The following ALOX15B variants were observed in gnomAD, a reference collection of about 807,000 sequenced individuals.
The protein encoded by ALOX15B is arachidonate 15-lipoxygenase type B, also known as polyunsaturated fatty acid lipoxygenase ALOX15B.
In ALOX15B, 74 loss-of-function variants were observed where a neutral mutation model predicts 73.8. The observed-to-expected ratio is 1.00, with a 90% confidence interval of 0.83 to 1.22. The LOEUF (loss-of-function observed/expected upper bound fraction) is 1.22. Ranked by LOEUF, ALOX15B falls within the 50% of genes most tolerant of loss-of-function variation. The probability of loss-of-function intolerance (pLI) is 0.00; values close to 1 mark genes in which losing one functional copy is unlikely to be tolerated. For missense variants in ALOX15B, 896 were observed against 859.9 expected (o/e 1.04, Z -0.52); for synonymous variants, 353 against 357.2 (o/e 0.99, Z 0.13).
intron 8 of ALOX15B, 105 bp from the exon 9 acceptor site, chr17:8,046,563 T>C: frequency 8.4e-7 from 1 of 1,188,470 alleles, no homozygotes; most frequent in Non-Finnish European, 1.2e-6. Flanking sequence ...CTCATTCTTG[T>C]TGCCTCTTTC....
At position 8,040,646 on chromosome 17, in the gene ALOX15B, A is replaced by AGAAAGAAG. The variant is rs1555638501; in HGVS notation, c.449+670_449+671insGGAAAGAA. On this transcript the variant is annotated intron_variant, in intron 3 of 13. Coordinates refer to ENST00000380183, the MANE Select transcript of ALOX15B (RefSeq NM_001141.3). ...AAGAAAGAAAGAAAGAAAGAAAGAA[A>AGAAAGAAG]GAAAGAAAAGAAAGAGAAAGAAACT... is the stretch of plus-strand genomic sequence containing the variant. Among the ~76,000 whole-genome samples the AGAAAGAAG allele has an allele frequency of 3.8e-3, 471 of 123,312 alleles. 1 individual carries two copies. The highest frequency in any genetic ancestry group is 0.013 in the South Asian group (53 of 4,130). The allele number at this position is 123,312 out of a possible 152,430, so 80.9% of individuals were successfully genotyped here.
rs1383730508 is a variant in ALOX15B, at chr17:8,039,417, ACGTAGGCCGAGTGCTGCTGCTGCG to A, written c.183_206del (p.Gly62_Val69del). 1 of 1,612,838 alleles carries A rather than the reference ACGTAGGCCGAGTGCTGCTGCTGCG, an allele frequency of 6.2e-7. No individual in the cohort carries two copies. Among genetic ancestry groups the A allele is most frequent in the East Asian group, 2.2e-5 (1 of 44,862 alleles). On this transcript the variant is annotated inframe_deletion, in exon 2 of 14. Coordinates refer to ENST00000380183, the MANE Select transcript of ALOX15B (RefSeq NM_001141.3). ...GACTTCCAGGTGACGCTCCCGGAGGACGTAGGCCGAGTGCTGCTGCTGCGCGTGCACAAGGCGCCCCCAGTGCTG... is the reference window on the plus strand; with the variant it reads ...GACTTCCAGGTGACGCTCCCGGAGGACGTGCACAAGGCGCCCCCAGTGCTG...
chr17:8,045,933 A>G (rs1976597481), intron 8 of ALOX15B, among the ~76,000 whole-genome samples: 2 of 151,460 alleles, frequency 1.3e-5, no homozygotes, highest in Non-Finnish European at 2.9e-5. Flanking sequence ...TAGAAGCCCA[A>G]ATCTTAGGAA....
intron 11 of ALOX15B, 87 bp from the exon 12 acceptor site, chr17:8,047,477 C>A: frequency 6.4e-7 from 1 of 1,572,312 alleles, no homozygotes; most frequent in Non-Finnish European, 8.6e-7. Flanking sequence ...GTCCCCGTGT[C>A]CCCCACCCTC....
chr17:8,040,651 G>GAAAGAAAGAAAGA (rs1415986255), intron 3 of ALOX15B, among the ~76,000 whole-genome samples: 1 of 92,502 alleles, frequency 1.1e-5, no homozygotes, highest in Admixed American at 1.0e-4. Flanking sequence ...AAGAAAGAAA[G>GAAAGAAAGAAAGA]AAAAGAAAGA....
Position 8,045,581 on chromosome 17 carries a change from C to G in ALOX15B, c.1095C>G (p.Phe365Leu). Residue 365 changes from phenylalanine to leucine, a missense_variant, in exon 8 of 14, where the codon TTC becomes TTG. Transcript: ENST00000380183. The stretch of plus-strand genomic sequence containing the variant: ...AGACCTGGGTGCGCAATGCCGAGTT[C>G]TCCTTCCATGAGGCCCTCACGCACC... ...LAKTWVRNAE[F>L]SFHEALTHLL... The G allele has an allele frequency of 6.2e-7, 1 of 1,614,186 alleles. No individual in the cohort carries two copies. The highest frequency in any genetic ancestry group is 8.5e-7 in the Non-Finnish European group (1 of 1,180,024).
intron 13 of ALOX15B, among the ~76,000 whole-genome samples, 172 bp from the exon 14 acceptor site, chr17:8,048,214 T>G (rs1290578564): frequency 6.6e-6 from 1 of 152,256 alleles, no homozygotes; most frequent in Non-Finnish European, 1.5e-5. Flanking sequence ...GATATCTGTT[T>G]AAGAGGAGGG....
chr17:8,047,100 C>A, intron 10 of ALOX15B, 24 bp downstream of exon 10: 1 of 1,612,732 alleles, frequency 6.2e-7, no homozygotes, highest in Non-Finnish European at 8.5e-7. Flanking sequence ...CCTGGAGAGC[C>A]GAGGGCTGGT....
chr17:8,045,421 G>T (rs369328287), intron 7 of ALOX15B, 37 bp downstream of exon 7: 17 of 1,613,578 alleles, frequency 1.1e-5, no homozygotes, highest in Non-Finnish European at 1.4e-5. Context: ...GCGTGAAGAA[G>T]AGTCAGGAGA....
chr17:8,040,601 G>GAGAAAGAAAA (rs1976420180), intron 3 of ALOX15B, among the ~76,000 whole-genome samples: 1 of 109,462 alleles, frequency 9.1e-6, no homozygotes. Context: ...AAGAAAGAGA[G>GAGAAAGAAAA]AGAAAGAAAG....
chr17:8,046,994 G>A lies in ALOX15B; in HGVS notation c.1375G>A (p.Asp459Asn). The A allele has an allele frequency of 6.2e-7, 1 of 1,614,172 alleles. No homozygotes were observed. The highest frequency in any genetic ancestry group is 1.1e-5 in the South Asian group (1 of 91,090). Residue 459 changes from aspartate to asparagine, a missense_variant, in exon 10 of 14, where the codon GAT (aspartate) becomes AAT (asparagine). Transcript: ENST00000380183. ...CTATTCTCTCCTGTGTCTGCCTGAGGATATCCGGACCCGAGGAGTTGAAGA... is the reference window on the plus strand; with the variant it reads ...CTATTCTCTCCTGTGTCTGCCTGAGAATATCCGGACCCGAGGAGTTGAAGA... ...LNYSLLCLPE[D>N]IRTRGVEDIP...
In ALOX15B at chr17:8,039,102, G is replaced by T. The variant is rs1976351386; in HGVS notation, c.-54G>T. On this transcript the variant is annotated 5_prime_UTR_variant, in exon 1 of 14. Coordinates refer to ENST00000380183, the MANE Select transcript of ALOX15B (RefSeq NM_001141.3). ...CAATAACCAGGCGTGTCCCAGGGGG[G>T]AGCCCCGCTCTGCAGCCCTGTGCGC... 12 of 1,578,994 alleles carry T rather than the reference G, an allele frequency of 7.6e-6. No individual in the cohort carries two copies. The highest frequency in any genetic ancestry group is 7.0e-5 in the South Asian group (6 of 85,612).
In ALOX15B at chr17:8,039,583, C is replaced by G. The variant is rs76589243; in HGVS notation, c.345C>G (p.Thr115=). The G allele has an allele frequency of 0.38, 556,289 of 1,454,158 alleles. 104,284 individuals carry two copies. The highest frequency in any genetic ancestry group is 0.46 in the East Asian group (15,846 of 34,154). 90.1% of individuals were successfully genotyped at this position (1,454,158 alleles called of 1,614,324 possible). A position where few individuals can be genotyped will look rare whatever the true frequency, so the allele number is the denominator to read the frequency against. The part of the protein sequence containing the change: ...PCYQWLEGAG[T]LVLQEGTAKV... ...ACCAGTGGCTGGAGGGGGCGGGGAC[C>G]CTGGTGCTGCAGGAGGGTACAGGTG... The change falls in exon 2 of 14, where the codon ACC becomes ACG. Residue 115 remains threonine (T), a synonymous_variant. Coordinates refer to ENST00000380183, the MANE Select transcript of ALOX15B (RefSeq NM_001141.3).
At position 8,047,635 on chromosome 17, in the gene ALOX15B, G is replaced by C; in HGVS notation, c.1651G>C (p.Ala551Pro). The change falls in exon 12 of 14, where the codon GCC (alanine) becomes CCC (proline). Residue 551 changes from alanine to proline, a missense_variant. Transcript: ENST00000380183. ...YVTMVIFTCS[A>P]KHAAVSAGQF... ...CACCATGGTGATATTCACCTGCTCC[G>C]CCAAGCATGCGGCTGTCAGTGCAGG... The C allele has an allele frequency of 1.2e-6, 2 of 1,611,390 alleles. No individual in the cohort carries two copies. The highest frequency in any genetic ancestry group is 1.7e-6 in the Non-Finnish European group (2 of 1,178,770).
intron 8 of ALOX15B, among the ~76,000 whole-genome samples, 190 bp from the exon 9 acceptor site, chr17:8,046,478 G>A (rs926258270): frequency 6.6e-6 from 1 of 152,198 alleles, no homozygotes; most frequent in African/African-American, 2.4e-5. Context: ...GAGCACGCCT[G>A]AGCTCCCAGA....
chr17:8,043,532 G>C (rs575756318), intron 5 of ALOX15B, among the ~76,000 whole-genome samples: 73 of 152,354 alleles, frequency 4.8e-4, no homozygotes, highest in Non-Finnish European at 5.3e-4. Flanking sequence ...GGCCATGGCA[G>C]GACTTGCGTC....
In ALOX15B at chr17:8,048,396, G is replaced by A. The variant is rs1240046465; in HGVS notation, c.1862G>A (p.Gly621Asp). The A allele has an allele frequency of 1.2e-6, 2 of 1,612,018 alleles. No individual in the cohort carries two copies. Among genetic ancestry groups the A allele is most frequent in the Non-Finnish European group, 1.7e-6 (2 of 1,178,852 alleles). Residue 621 changes from glycine (G) to aspartate (D), a missense_variant, in exon 14 of 14, where the codon GGC (glycine) becomes GAC (aspartate). By Grantham distance (94) the Gly-to-Asp change is moderately conservative. Coordinates refer to ENST00000380183, the MANE Select transcript of ALOX15B (RefSeq NM_001141.3). ...SKEPGDQRPL[G>D]TYPDEHFTEE... ...GTGGTGGATCCTCAGAGGCCCCTGG[G>A]CACCTATCCGGATGAGCACTTCACA... is the stretch of plus-strand genomic sequence containing the variant.
chr17:8,042,478 C>T lies in ALOX15B; in HGVS notation c.559C>T (p.Gln187Ter). The T allele has an allele frequency of 1.9e-6, 3 of 1,613,636 alleles. No individual in the cohort carries two copies. The highest frequency in any genetic ancestry group is 1.3e-5 in the African/African-American group (1 of 75,040). Residue 187 changes from glutamine (Q) to a stop codon, truncating the protein, a stop_gained, in exon 4 of 14, where the codon CAG (glutamine) becomes TAG (stop). Transcript: ENST00000380183. LOFTEE classifies it high-confidence loss of function. The part of the protein sequence containing the change: ...STAKNANFYL[Q>*]AGSAFAEMKI... ...AGCCAAGAATGCCAACTTTTATCTA[C>T]AGGCTGGCTCTGCGTGAGGATGCCC...
In ALOX15B at chr17:8,045,580, TCTC is replaced by T. The variant is rs781292305; in HGVS notation, c.1097_1099del (p.Ser366del). The T allele has an allele frequency of 4.3e-6, 7 of 1,614,108 alleles. No individual in the cohort carries two copies. The highest frequency in any genetic ancestry group is 1.7e-5 in the Admixed American group (1 of 60,010). On this transcript the variant is annotated inframe_deletion, in exon 8 of 14. Transcript: ENST00000380183. ...AAGACCTGGGTGCGCAATGCCGAGT[TCTC>T]CTTCCATGAGGCCCTCACGCACCTG... is the stretch of plus-strand genomic sequence containing the variant.
Sources: allele counts gnomAD v4.1 joint callset (sites outside exome capture counted in the v4.1 genomes callset), GRCh38; gene constraint gnomAD v4.1.1; transcripts MANE v1.5; gene names NCBI Gene and HGNC (gene_info 2026-07-23, HGNC 2026-07-21).